The following NAV2 variants were observed in gnomAD, a reference collection of about 807,000 sequenced individuals.
NAV2 encodes the protein neuron navigator 2.
NAV2 carries 54 observed loss-of-function variants against 223.2 expected under a neutral mutation model. The ratio of observed to expected loss-of-function variants is 0.24; its 90% confidence interval spans 0.19 to 0.30. The LOEUF (loss-of-function observed/expected upper bound fraction) is 0.30. NAV2 is among the 10% of genes least tolerant of loss of function. NAV2 has a pLI of 1.00. For synonymous variants in NAV2, 1,279 were observed against 1,239.3 expected (o/e 1.03, Z -0.67); for missense variants, 2,806 against 3,147.5 (o/e 0.89, Z 2.60).
intron 1 of NAV2, among the ~76,000 whole-genome samples, chr11:19,656,977 G>A (rs1404401837): frequency 6.6e-6 from 1 of 152,184 alleles, no homozygotes; most frequent in Non-Finnish European, 1.5e-5. Context: ...GATACACTGG[G>A]GGAGGGAAAG....
At chr11:19,619,944 G>A (rs1048698728) in intron 1 of NAV2, among the ~76,000 whole-genome samples, 1 of 152,322 alleles carries the variant, frequency 6.6e-6, no homozygotes, top group African/African-American at 2.4e-5. Context: ...TGTATAAGGT[G>A]TAAGGAAGGG....
At position 19,998,381 on chromosome 11, in the gene NAV2, C is replaced by T. The variant is rs2052153597; in HGVS notation, c.2768+14134C>T. On this transcript the variant is annotated intron_variant, in intron 11 of 37. Transcript: ENST00000349880. This position sits in a 1 kb window ranked among gnomAD's most constrained non-coding sequence, Gnocchi z 5.0. The stretch of plus-strand genomic sequence containing the variant: ...ATCTGAGCTCTCCCACTGCAGCCTT[C>T]CAGGCCCACTGTACCCACCAGGGCC... Among the ~76,000 whole-genome samples the T allele has an allele frequency of 6.6e-6, 1 of 152,110 alleles. No homozygotes were observed. Among genetic ancestry groups the T allele is most frequent in the Admixed American group, 6.6e-5 (1 of 15,252 alleles).
Position 20,108,621 on chromosome 11 carries a change from T to TG in NAV2, c.6960+839_6960+840insG, listed in dbSNP as rs1338432419. Among the ~76,000 whole-genome samples, 1,110 of 151,320 alleles carry TG rather than the reference T, an allele frequency of 7.3e-3. 15 individuals are homozygous for TG. The highest frequency in any genetic ancestry group is 0.026 in the African/African-American group (1,060 of 41,122). On this transcript the variant is annotated intron_variant, in intron 36 of 37. Transcript: ENST00000349880. ...CCACACCTGGCTTTTTTTTTTTTTT[T>TG]TTTGGATTTTAGTAGATACGGTGTT...
intron 1 of NAV2, among the ~76,000 whole-genome samples, chr11:19,415,887 T>C (rs570058848): frequency 3.3e-5 from 5 of 152,168 alleles, no homozygotes; most frequent in African/African-American, 1.2e-4. Flanking sequence ...TTCGATAAAA[T>C]TCAACACCCC....
At chr11:20,089,251 T>C (rs2060660089) in intron 26 of NAV2, among the ~76,000 whole-genome samples, 1 of 152,212 alleles carries the variant, frequency 6.6e-6, no homozygotes, top group Admixed American at 6.5e-5. Flanking sequence ...TGGTGACTGG[T>C]AACTTTTAAA....
intron 11 of NAV2, among the ~76,000 whole-genome samples, chr11:20,003,361 A>T (rs2052743254): frequency 6.6e-6 from 1 of 152,176 alleles, no homozygotes; most frequent in African/African-American, 2.4e-5. Context: ...CACTACCCTT[A>T]AGTTAGTTGA....
At chr11:19,447,687 C>A (rs1851636215) in intron 1 of NAV2, among the ~76,000 whole-genome samples, 1 of 152,200 alleles carries the variant, frequency 6.6e-6, no homozygotes, top group Non-Finnish European at 1.5e-5. Flanking sequence ...GCCTCATGGG[C>A]AGAGACCGTA....
chr11:19,627,204 A>G (rs895792539), intron 1 of NAV2, among the ~76,000 whole-genome samples: 1 of 152,190 alleles, frequency 6.6e-6, no homozygotes, highest in African/African-American at 2.4e-5. Context: ...CCTAGCCAAC[A>G]TGGCGAAACC....
At chr11:19,534,304 G>A (rs1349666856) in intron 1 of NAV2, among the ~76,000 whole-genome samples, 2 of 152,186 alleles carry the variant, frequency 1.3e-5, no homozygotes, top group Non-Finnish European at 2.9e-5. Context: ...AGTGGGACCT[G>A]ATCCAGTTTG....
At chr11:19,601,178 C>T (rs905884741) in intron 1 of NAV2, among the ~76,000 whole-genome samples, 1 of 152,210 alleles carries the variant, frequency 6.6e-6, no homozygotes, top group Non-Finnish European at 1.5e-5. Context: ...GTGATCCCTT[C>T]CTTCAGAGCT....
intron 1 of NAV2, among the ~76,000 whole-genome samples, chr11:19,363,672 C>T (rs1854092255): frequency 6.6e-6 from 1 of 152,178 alleles, no homozygotes; most frequent in South Asian, 2.1e-4. Flanking sequence ...AGCATCAGAG[C>T]CCACAGGTTA....
upstream of NAV2, among the ~76,000 whole-genome samples, chr11:19,709,305 G>A (rs2049781628): frequency 6.6e-6 from 1 of 152,008 alleles, no homozygotes; most frequent in Admixed American, 6.5e-5. Context: ...CACTTTGGGA[G>A]GCCAAGGCGG....
chr11:19,623,456 G>A (rs930043721), intron 1 of NAV2, among the ~76,000 whole-genome samples: 2 of 152,150 alleles, frequency 1.3e-5, no homozygotes, highest in Non-Finnish European at 2.9e-5. Flanking sequence ...TGGAGGCTTT[G>A]TTCCCTTCTT....
chr11:20,020,830 C>CCT (rs1198797761), intron 11 of NAV2, among the ~76,000 whole-genome samples: 2 of 152,174 alleles, frequency 1.3e-5, no homozygotes, highest in African/African-American at 4.8e-5. Context: ...TAGGCACTCT[C>CCT]CTCTCTCGCT....
chr11:19,439,673 A>G (rs112788501), intron 1 of NAV2, among the ~76,000 whole-genome samples: 1 of 152,226 alleles, frequency 6.6e-6, no homozygotes, highest in Non-Finnish European at 1.5e-5. Context: ...TGGCTCCTTA[A>G]TCATTCATAC....
intron 1 of NAV2, among the ~76,000 whole-genome samples, chr11:19,548,813 G>A (rs1429670512): frequency 3.4e-5 from 5 of 147,120 alleles, no homozygotes; most frequent in Non-Finnish European, 5.9e-5. Context: ...GGAAGGCGGA[G>A]CTTGCAGTGA....
intron 3 of NAV2, among the ~76,000 whole-genome samples, chr11:19,859,743 G>A (rs1346278633): frequency 2.7e-5 from 4 of 150,866 alleles, no homozygotes; most frequent in East Asian, 2.0e-4. Context: ...CTCACCTCCC[G>A]GACCGGGCGG....
intron 1 of NAV2, among the ~76,000 whole-genome samples, chr11:19,444,509 G>A (rs931145436): frequency 1.3e-5 from 2 of 152,068 alleles, no homozygotes; most frequent in Non-Finnish European, 2.9e-5. Context: ...TGCTGAAGAT[G>A]GTGCAGCAAC....
chr11:19,767,381 C>T (rs994329650), intron 1 of NAV2, among the ~76,000 whole-genome samples: 7 of 152,188 alleles, frequency 4.6e-5, no homozygotes, highest in African/African-American at 1.7e-4. Context: ...TGGGTCTAGA[C>T]TGTGACCTTG....
Sources: allele counts gnomAD v4.1 joint callset (sites outside exome capture counted in the v4.1 genomes callset), GRCh38; gene constraint gnomAD v4.1.1; non-coding constraint Gnocchi (gnomAD v3.1); transcripts MANE v1.5; gene names NCBI Gene and HGNC (gene_info 2026-07-23, HGNC 2026-07-21).